Variants in ALPK2 observed in about 807,000 individuals in gnomAD.
ALPK2 encodes the protein alpha-protein kinase 2.
In ALPK2, 127 loss-of-function variants were observed where a neutral mutation model predicts 163.1. That is an observed-to-expected ratio of 0.78 (90% CI 0.67 to 0.90). ALPK2 has a LOEUF of 0.90. Among genes scored for constraint, ALPK2 ranks in the 40% least tolerant of loss-of-function variants. The pLI is 0.00. For synonymous variants in ALPK2, 953 were observed against 959.1 expected (o/e 0.99, Z 0.12); for missense variants, 2,360 against 2,589.6 (o/e 0.91, Z 1.92).
intron 1 of ALPK2, among the ~76,000 whole-genome samples, 157 bp from the exon 2 acceptor site, chr18:58,611,974 T>A (rs532512372): frequency 1.3e-5 from 2 of 152,314 alleles, no homozygotes; most frequent in Admixed American, 1.3e-4. Context: ...CAGGCCGTGG[T>A]GCTGCTGGTA....
intron 12 of ALPK2, among the ~76,000 whole-genome samples, chr18:58,492,399 C>A (rs149935807): frequency 4.0e-4 from 61 of 152,274 alleles, no homozygotes; most frequent in African/African-American, 1.4e-3. Flanking sequence ...GCAGCACATT[C>A]CCTCTCTGAT....
intron 1 of ALPK2, among the ~76,000 whole-genome samples, chr18:58,619,103 A>G (rs1378497946): frequency 6.6e-6 from 1 of 152,238 alleles, no homozygotes; most frequent in Admixed American, 6.5e-5. Context: ...CGTGTTAGTT[A>G]GGGAACCTTA....
At chr18:58,508,847 AC>A (rs1244988353) in intron 10 of ALPK2, among the ~76,000 whole-genome samples, 1 of 151,006 alleles carries the variant, frequency 6.6e-6, no homozygotes, top group Non-Finnish European at 1.5e-5. Context: ...CTGGATTGGG[AC>A]CCCTTTCCGG....
rs937760234 is a variant in ALPK2, at chr18:58,536,417, G to C, written c.3770C>G (p.Ser1257Cys). The C allele has an allele frequency of 6.2e-7, 1 of 1,614,208 alleles. No individual in the cohort carries two copies. Among genetic ancestry groups the C allele is most frequent in the Admixed American group, 1.7e-5 (1 of 60,026 alleles). The change falls in exon 5 of 13, where the codon TCT becomes TGT. Residue 1257 changes from serine (S) to cysteine (C), a missense_variant. By Grantham distance (112) the Ser-to-Cys change is moderately radical. Coordinates refer to ENST00000361673, the MANE Select transcript of ALPK2 (RefSeq NM_052947.4). ...ACCACCGTCTGATGCCTTGCTCTCA[G>C]AATTTGTCAGTTGTCGTGGTGGCCA... Reference protein sequence around the residue: ...EIWPPRQLTNSESKASDGGLI... With the variant: ...EIWPPRQLTNCESKASDGGLI...
At chr18:58,541,197 C>A (rs2051687804) in intron 4 of ALPK2, among the ~76,000 whole-genome samples, 1 of 152,236 alleles carries the variant, frequency 6.6e-6, no homozygotes, top group Non-Finnish European at 1.5e-5. Context: ...GTGGCAACTG[C>A]TTCTGGAGAG....
At chr18:58,521,646 T>TTTTTTTTTTTTTTG (rs2051554013) in intron 8 of ALPK2, among the ~76,000 whole-genome samples, 1 of 131,442 alleles carries the variant, frequency 7.6e-6, no homozygotes, top group East Asian at 2.6e-4. Context: ...TTTTTTTTTT[T>TTTTTTTTTTTTTTG]GAGATGGAGT....
chr18:58,563,066 G>C (rs2051833235), intron 4 of ALPK2, among the ~76,000 whole-genome samples: 1 of 152,184 alleles, frequency 6.6e-6, no homozygotes, highest in Non-Finnish European at 1.5e-5. Context: ...GCTCCCCCTG[G>C]GGGAATTTGG....
intron 4 of ALPK2, among the ~76,000 whole-genome samples, chr18:58,575,322 CACT>C (rs572425374): frequency 2.4e-4 from 37 of 152,292 alleles, no homozygotes; most frequent in Non-Finnish European, 4.0e-4. Flanking sequence ...ACACGGCAGG[CACT>C]ACTCTAGGGA....
chr18:58,587,051 G>A (rs1009668433), intron 3 of ALPK2, among the ~76,000 whole-genome samples: 1 of 152,200 alleles, frequency 6.6e-6, no homozygotes, highest in Non-Finnish European at 1.5e-5. Flanking sequence ...CTAGCAGGAA[G>A]TGAAGGCTAA....
Position 58,538,020 on chromosome 18 carries a change from G to A in ALPK2, c.2167C>T (p.Gln723Ter), listed in dbSNP as rs545335046. Residue 723 changes from glutamine (Q) to a stop codon, truncating the protein, a stop_gained, in exon 5 of 13, where the codon CAA becomes TAA. Coordinates refer to ENST00000361673, the MANE Select transcript of ALPK2 (RefSeq NM_052947.4). LOFTEE classifies it high-confidence loss of function. The stretch of plus-strand genomic sequence containing the variant: ...TCAGGTATGTTGCCATCTCTGTCTT[G>A]TTTTTCTTCATGCTGTGGACCACAG... ...CTCGPQHEEK[Q>*]DRDGNIPDNF... The A allele has an allele frequency of 1.9e-6, 3 of 1,614,180 alleles. No individual in the cohort carries two copies. Among genetic ancestry groups the A allele is most frequent in the African/African-American group, 2.7e-5 (2 of 75,056 alleles).
chr18:58,598,062 C>G (rs1365479073), intron 3 of ALPK2, among the ~76,000 whole-genome samples: 1 of 152,238 alleles, frequency 6.6e-6, no homozygotes, highest in Non-Finnish European at 1.5e-5. Context: ...GCCACCCACA[C>G]TATGGTATTT....
chr18:58,585,540 G>A (rs2051981232), intron 3 of ALPK2, among the ~76,000 whole-genome samples: 1 of 152,156 alleles, frequency 6.6e-6, no homozygotes, highest in African/African-American at 2.4e-5. Flanking sequence ...TATTGGGAAA[G>A]AAGGAATATT....
chr18:58,573,336 G>GTA (rs1296648521), intron 4 of ALPK2, among the ~76,000 whole-genome samples: 5 of 108,464 alleles, frequency 4.6e-5, no homozygotes, highest in Admixed American at 9.0e-5. Context: ...GTATATATGT[G>GTA]TATATATATG....
At chr18:58,626,299 T>C (rs1220339639) in intron 1 of ALPK2, among the ~76,000 whole-genome samples, 3 of 152,144 alleles carry the variant, frequency 2.0e-5, no homozygotes, top group Non-Finnish European at 2.9e-5. Flanking sequence ...TCCCTATTCA[T>C]TGTGTACTTT....
intron 8 of ALPK2, among the ~76,000 whole-genome samples, chr18:58,520,083 C>T (rs1305306502): frequency 6.6e-6 from 1 of 152,116 alleles, no homozygotes; most frequent in Non-Finnish European, 1.5e-5. Context: ...GTTGCCAGGA[C>T]TCACACTCCA....
chr18:58,508,696 C>T (rs1455436124), intron 10 of ALPK2, among the ~76,000 whole-genome samples: 2 of 152,124 alleles, frequency 1.3e-5, no homozygotes, highest in Non-Finnish European at 2.9e-5. Context: ...AAGGGGCAAC[C>T]AGCAGCCCTT....
At chr18:58,553,260 G>C (rs2051769104) in intron 4 of ALPK2, among the ~76,000 whole-genome samples, 1 of 152,176 alleles carries the variant, frequency 6.6e-6, no homozygotes, top group Admixed American at 6.5e-5. Context: ...TGGGTGCTTT[G>C]TTATGGCAGC....
intron 3 of ALPK2, among the ~76,000 whole-genome samples, chr18:58,583,674 C>T (rs1166011081): frequency 2.7e-5 from 4 of 147,192 alleles, no homozygotes; most frequent in African/African-American, 2.5e-5. Flanking sequence ...ATTAGCCAGG[C>T]ATGGTGATAC....
intron 1 of ALPK2, among the ~76,000 whole-genome samples, chr18:58,623,925 C>T (rs1446050060): frequency 9.9e-5 from 15 of 152,188 alleles, no homozygotes; most frequent in Non-Finnish European, 1.6e-4. Context: ...AAATGCTCCC[C>T]ATGGCTAACT....
Sources: gnomAD v4.1 joint callset for allele counts (sites outside exome capture counted in the v4.1 genomes callset) on GRCh38, gnomAD v4.1.1 for gene constraint, MANE v1.5 for transcripts, NCBI Gene and HGNC (gene_info 2026-07-23, HGNC 2026-07-21) for gene names.